EML1: variants seen among roughly 807,000 people sequenced by gnomAD.
The protein encoded by EML1 is EMAP like 1.
A neutral mutation model predicts 110.4 loss-of-function variants in EML1; 27 were observed. That is an observed-to-expected ratio of 0.24 (90% CI 0.18 to 0.34). The LOEUF is 0.34. Ranked by LOEUF, EML1 falls within the 10% of genes least tolerant of loss-of-function variation. The pLI is 1.00. For missense variants in EML1, 741 were observed against 1,030.9 expected, an observed-to-expected ratio of 0.72 and a Z score of 3.85; for synonymous variants, 344 against 385.8, an observed-to-expected ratio of 0.89 and a Z score of 1.27.
chr14:99,898,686 A>T (rs2059711226), intron 8 of EML1, among the ~76,000 whole-genome samples: 1 of 150,432 alleles, frequency 6.6e-6, no homozygotes, highest in South Asian at 2.1e-4. Flanking sequence ...CGGGAGGCGG[A>T]GGTTGCAGTG....
chr14:99,886,096 T>A, intron 4 of EML1: 1 of 263,514 alleles, frequency 3.8e-6, no homozygotes, highest in South Asian at 3.8e-5. Flanking sequence ...AAAAAGCTGC[T>A]TAAGGACAAT....
rs923092141 is a variant in EML1 at position 99,888,841 on chromosome 14, G to A, written c.519-2358G>A. 2.0e-5 allele frequency among the ~76,000 whole-genome samples: 3 copies of A among 149,616 alleles called. No individual in the cohort carries two copies. The East Asian group carries it at 5.8e-4, about 29-fold the overall frequency. ...AAAAGGGGAGCCCTCTTAGATGGGA[G>A]TAGGAAATCACCTGGAGGTGTAGAA... On this transcript the variant is annotated intron_variant, in intron 4 of 21. Transcript: ENST00000262233.
chr14:99,853,469 G>A (rs2058847949), intron 2 of EML1, among the ~76,000 whole-genome samples: 1 of 152,038 alleles, frequency 6.6e-6, no homozygotes, highest in South Asian at 2.1e-4. Context: ...CAGCTGCCAC[G>A]TGGGCACTTG....
At position 99,940,028 on chromosome 14, in the gene EML1, C is replaced by G; in HGVS notation, c.2364C>G (p.Thr788=). Residue 788 remains threonine (T), a synonymous_variant, in exon 22 of 22, where the codon ACC becomes ACG. Coordinates refer to ENST00000262233, the MANE Select transcript of EML1 (RefSeq NM_004434.3). ...ACGGCGGGCACAGCAGCCATGTCACCAATGTCGATTTCCTCTGTGAAGACA... is the reference window on the plus strand; with the variant it reads ...ACGGCGGGCACAGCAGCCATGTCACGAATGTCGATTTCCTCTGTGAAGACA... ...HIYGGHSSHV[T]NVDFLCEDSH... 1 of 1,602,956 alleles carries G rather than the reference C, an allele frequency of 6.2e-7. No homozygotes were observed. The highest frequency in any genetic ancestry group is 8.5e-7 in the Non-Finnish European group (1 of 1,174,752).
intron 2 of EML1, among the ~76,000 whole-genome samples, chr14:99,862,065 A>G (rs1188606528): frequency 6.6e-6 from 1 of 152,182 alleles, no homozygotes; most frequent in Non-Finnish European, 1.5e-5. Flanking sequence ...CTGGCTCCTC[A>G]GCCTCCTCCA....
chr14:99,931,179 T>A (rs1023240275), intron 17 of EML1, among the ~76,000 whole-genome samples: 3 of 152,184 alleles, frequency 2.0e-5, no homozygotes, highest in African/African-American at 7.2e-5. Flanking sequence ...ACAATCAGTG[T>A]GCCAGGAGAG....
chr14:99,917,068 A>G (rs181334977), intron 15 of EML1, among the ~76,000 whole-genome samples: 72 of 152,288 alleles, frequency 4.7e-4, no homozygotes, highest in African/African-American at 1.7e-3. Flanking sequence ...GCACTCACCC[A>G]GTCTCCGTGT....
At chr14:99,871,792 C>A (rs1365712253) in intron 3 of EML1, among the ~76,000 whole-genome samples, 3 of 152,210 alleles carry the variant, frequency 2.0e-5, no homozygotes, top group Non-Finnish European at 4.4e-5. Context: ...GCGATAGGAT[C>A]TACTCCGAGA....
At chr14:99,769,446 GAGTAA>G (rs1198216679), upstream of EML1, among the ~76,000 whole-genome samples, 2 of 152,200 alleles carry the variant, frequency 1.3e-5, no homozygotes, top group Non-Finnish European at 2.9e-5. Context: ...CCCCAGCCCT[GAGTAA>G]CCTTGGCCTC....
At chr14:99,759,426 A>T (rs998495322) in intron 1 of EML1, among the ~76,000 whole-genome samples, 1 of 152,182 alleles carries the variant, frequency 6.6e-6, no homozygotes, top group Non-Finnish European at 1.5e-5. Context: ...CTGACCACTC[A>T]GCCACCCCTC....
At chr14:99,900,198 T>G (rs2059738919) in intron 8 of EML1, among the ~76,000 whole-genome samples, 1 of 149,132 alleles carries the variant, frequency 6.7e-6, no homozygotes, top group African/African-American at 2.5e-5. Flanking sequence ...TTTTTTTTTT[T>G]TTTTTTTGAG....
chr14:99,775,779 A>G (rs1272452642), intron 1 of EML1, among the ~76,000 whole-genome samples: 6 of 152,222 alleles, frequency 3.9e-5, no homozygotes, highest in Non-Finnish European at 7.3e-5. Flanking sequence ...TGCCTAAGAT[A>G]TGCATATAAC....
intron 1 of EML1, among the ~76,000 whole-genome samples, chr14:99,815,183 C>T (rs374086183): frequency 1.3e-5 from 2 of 149,714 alleles, no homozygotes; most frequent in Non-Finnish European, 3.0e-5. Flanking sequence ...GCTCTGTCGC[C>T]CAGGCTGGAG....
intron 5 of EML1, chr14:99,894,404 G>A: frequency 3.1e-6 from 1 of 323,496 alleles, no homozygotes; most frequent in South Asian, 1.4e-4. Context: ...CAATTTCGTA[G>A]GTATCTCATG....
At chr14:99,883,802 T>G (rs2059429019) in intron 4 of EML1, among the ~76,000 whole-genome samples, 2 of 152,212 alleles carry the variant, frequency 1.3e-5, no homozygotes, top group Non-Finnish European at 2.9e-5. Context: ...TCATCATGTT[T>G]CCAGCCCGAA....
At chr14:99,915,268 C>T (rs762918199) in intron 15 of EML1, 126 of 160,114 alleles carry the variant, frequency 7.9e-4, no homozygotes, top group Non-Finnish European at 1.2e-4. Flanking sequence ...CAAAATTAGC[C>T]GGGCATGGTG....
At chr14:99,855,170 G>A (rs759762341) in intron 2 of EML1, among the ~76,000 whole-genome samples, 3 of 152,212 alleles carry the variant, frequency 2.0e-5, no homozygotes, top group Non-Finnish European at 4.4e-5. Context: ...TGTATATACT[G>A]TATCATTTCA....
At chr14:99,920,390 G>C (rs1191709812) in intron 16 of EML1, among the ~76,000 whole-genome samples, 2 of 152,178 alleles carry the variant, frequency 1.3e-5, no homozygotes, top group Non-Finnish European at 2.9e-5. Flanking sequence ...CCATCCTCCT[G>C]CATGGTCCTG....
At chr14:99,806,404 C>T (rs1362073833) in intron 1 of EML1, among the ~76,000 whole-genome samples, 4 of 150,422 alleles carry the variant, frequency 2.7e-5, no homozygotes, top group Non-Finnish European at 5.9e-5. Context: ...GCAACCTCTG[C>T]CTCCCGGGTT....
Sources: gnomAD v4.1 joint callset for allele counts (sites outside exome capture counted in the v4.1 genomes callset) on GRCh38, gnomAD v4.1.1 for gene constraint, MANE v1.5 for transcripts, NCBI Gene and HGNC (gene_info 2026-07-23, HGNC 2026-07-21) for gene names.